The following ADAMTS12 variants were observed in gnomAD, a reference collection of about 807,000 sequenced individuals.
The protein encoded by ADAMTS12 is ADAM metallopeptidase with thrombospondin type 1 motif 12, also known as A disintegrin and metalloproteinase with thrombospondin motifs 12.
ADAMTS12 carries 118 observed loss-of-function variants against 167.8 expected under a neutral mutation model. That is an observed-to-expected ratio of 0.70 (90% CI 0.61 to 0.82). The LOEUF is 0.82. Among genes scored for constraint, ADAMTS12 ranks in the 40% least tolerant of loss-of-function variants. The probability of loss-of-function intolerance (pLI) is 0.00; values close to 1 mark genes in which losing one functional copy is unlikely to be tolerated. For missense variants in ADAMTS12, 1,916 were observed against 1,998.8 expected, an observed-to-expected ratio of 0.96 and a Z score of 0.79; for synonymous variants, 704 against 716.9, an observed-to-expected ratio of 0.98 and a Z score of 0.29.
At chr5:33,650,226 A>G (rs1469271977) in intron 7 of ADAMTS12, among the ~76,000 whole-genome samples, 5 of 152,224 alleles carry the variant, frequency 3.3e-5, no homozygotes. Context: ...TGTTAACAGC[A>G]GGATTTTTAA....
chr5:33,578,858 C>T (rs1424201460), intron 18 of ADAMTS12, among the ~76,000 whole-genome samples: 2 of 152,262 alleles, frequency 1.3e-5, no homozygotes, highest in East Asian at 3.9e-4. Flanking sequence ...TTGGACCCAA[C>T]CAGTGAAGCT....
At chr5:33,739,511 A>G (rs755091246) in intron 3 of ADAMTS12, among the ~76,000 whole-genome samples, 1 of 152,194 alleles carries the variant, frequency 6.6e-6, no homozygotes, top group African/African-American at 2.4e-5. Flanking sequence ...GTGTGGTCTC[A>G]CACATCTGAT....
chr5:33,593,379 T>C (rs1453418320), intron 17 of ADAMTS12, among the ~76,000 whole-genome samples: 1 of 152,184 alleles, frequency 6.6e-6, no homozygotes, highest in Non-Finnish European at 1.5e-5. Flanking sequence ...CAAACAGATC[T>C]GGGTTCAAAT....
chr5:33,829,028 G>A (rs773516370), intron 2 of ADAMTS12, among the ~76,000 whole-genome samples: 5 of 152,096 alleles, frequency 3.3e-5, no homozygotes, highest in Non-Finnish European at 4.4e-5. Context: ...CACTAGCAAC[G>A]GGCATACACA....
intron 2 of ADAMTS12, among the ~76,000 whole-genome samples, chr5:33,804,099 C>T (rs955170079): frequency 2.0e-5 from 3 of 152,064 alleles, no homozygotes; most frequent in African/African-American, 4.8e-5. Context: ...TTATAAGGAC[C>T]GAATGGGATA....
Position 33,615,841 on chromosome 5 carries a change from G to T in ADAMTS12, c.2375C>A (p.Ser792Tyr). 1 of 1,614,102 alleles carries T rather than the reference G, an allele frequency of 6.2e-7. No individual in the cohort carries two copies. Among genetic ancestry groups the T allele is most frequent in the Non-Finnish European group, 8.5e-7 (1 of 1,179,988 alleles). Reference protein sequence around the residue: ...KLMATGPTNESVWIQLLFQVT... With the variant: ...KLMATGPTNEYVWIQLLFQVT... ...TTTCTGCATTACCTGGATCCACACA[G>T]ACTCATTGGTGGGACCTGTGGCCAT... is the stretch of plus-strand genomic sequence containing the variant. Residue 792 changes from serine to tyrosine, a missense_variant, in exon 15 of 24, where the codon TCT becomes TAT. Transcript: ENST00000504830.
intron 9 of ADAMTS12, 60 bp from the exon 10 acceptor site, chr5:33,643,530 G>T: frequency 6.7e-7 from 1 of 1,503,546 alleles, no homozygotes; most frequent in Non-Finnish European, 9.2e-7. Flanking sequence ...CATTTCTATA[G>T]TTACAGTAAA....
chr5:33,530,383 C>A (rs1744040232), intron 23 of ADAMTS12, among the ~76,000 whole-genome samples: 2 of 152,226 alleles, frequency 1.3e-5, no homozygotes, highest in African/African-American at 4.8e-5. Context: ...GGGCCATGCA[C>A]TGTGTGCACT....
intron 3 of ADAMTS12, among the ~76,000 whole-genome samples, chr5:33,696,691 A>G (rs1742790833): frequency 6.6e-6 from 1 of 152,154 alleles, no homozygotes; most frequent in Non-Finnish European, 1.5e-5. Flanking sequence ...CTGCACTGGG[A>G]GGCTGCTTCC....
At chr5:33,816,035 C>A (rs936887900) in intron 2 of ADAMTS12, among the ~76,000 whole-genome samples, 1 of 152,158 alleles carries the variant, frequency 6.6e-6, no homozygotes, top group Admixed American at 6.5e-5. Flanking sequence ...ATGATGAGCA[C>A]CCAGGTCTGG....
chr5:33,624,868 T>C (rs1294333448), intron 13 of ADAMTS12, among the ~76,000 whole-genome samples: 1 of 152,244 alleles, frequency 6.6e-6, no homozygotes, highest in Non-Finnish European at 1.5e-5. Context: ...CATATTCCTT[T>C]AGTCATAAGT....
chr5:33,705,300 T>TGC (rs769593184), intron 3 of ADAMTS12, among the ~76,000 whole-genome samples: 13 of 149,004 alleles, frequency 8.7e-5, no homozygotes, highest in African/African-American at 2.5e-4. Flanking sequence ...TGTGTGTGTG[T>TGC]GTGCGTGTAT....
intron 2 of ADAMTS12, among the ~76,000 whole-genome samples, chr5:33,862,750 T>C (rs984446006): frequency 4.0e-5 from 6 of 151,654 alleles, no homozygotes; most frequent in African/African-American, 1.5e-4. Context: ...AAAAAGAAAA[T>C]TTCAGGCCAA....
At chr5:33,575,308 C>T (rs554987929) in intron 19 of ADAMTS12, among the ~76,000 whole-genome samples, 98 of 152,256 alleles carry the variant, frequency 6.4e-4, no homozygotes, top group South Asian at 1.7e-3. Context: ...AGTCTCAAAA[C>T]TAGGTTTTTG....
At chr5:33,711,342 T>C (rs1199142890) in intron 3 of ADAMTS12, among the ~76,000 whole-genome samples, 2 of 152,170 alleles carry the variant, frequency 1.3e-5, no homozygotes, top group African/African-American at 4.8e-5. Flanking sequence ...TTGCTAGATA[T>C]CATACAATTT....
chr5:33,825,226 C>T (rs180916217), intron 2 of ADAMTS12, among the ~76,000 whole-genome samples: 1 of 152,248 alleles, frequency 6.6e-6, no homozygotes. Flanking sequence ...GTGGAGGTGG[C>T]TCCACAAAGC....
intron 2 of ADAMTS12, among the ~76,000 whole-genome samples, chr5:33,846,308 C>G (rs1345902720): frequency 6.6e-6 from 1 of 152,194 alleles, no homozygotes; most frequent in Admixed American, 6.5e-5. Flanking sequence ...GTTTGATTAA[C>G]TGAATTCTTC....
chr5:33,776,465 AT>A (rs1425496369), intron 2 of ADAMTS12, among the ~76,000 whole-genome samples: 10 of 152,208 alleles, frequency 6.6e-5, no homozygotes, highest in Non-Finnish European at 1.2e-4. Flanking sequence ...GCACTCCTGA[AT>A]TCCTGAATCC....
intron 22 of ADAMTS12, among the ~76,000 whole-genome samples, chr5:33,542,290 T>A (rs1302450785): frequency 2.0e-5 from 3 of 152,136 alleles, no homozygotes; most frequent in Non-Finnish European, 4.4e-5. Flanking sequence ...GAGCTAACTA[T>A]CCTAAATATA....
Sources: allele counts gnomAD v4.1 joint callset (sites outside exome capture counted in the v4.1 genomes callset), GRCh38; gene constraint gnomAD v4.1.1; transcripts MANE v1.5; gene names NCBI Gene and HGNC (gene_info 2026-07-23, HGNC 2026-07-21).